Variants in IL1RAPL2 observed in about 807,000 individuals in gnomAD.
IL1RAPL2 encodes interleukin 1 receptor accessory protein like 2, also known as X-linked interleukin-1 receptor accessory protein-like 2.
In IL1RAPL2, 3 loss-of-function variants were observed where a neutral mutation model predicts 44.1. The observed-to-expected ratio is 0.07, with a 90% CI of 0.03 to 0.18. IL1RAPL2 has a LOEUF of 0.18. IL1RAPL2 is among the 10% of genes least tolerant of loss of function. The pLI is 1.00. For synonymous variants in IL1RAPL2, 181 were observed against 178.8 expected, an observed-to-expected ratio of 1.01 and a Z score of -0.10; for missense variants, 391 against 496.4, an observed-to-expected ratio of 0.79 and a Z score of 2.02.
intron 2 of IL1RAPL2, among the ~76,000 whole-genome samples, chrX:104,702,723 ATG>A (rs1258421746): frequency 9.1e-6 from 1 of 110,226 alleles, no homozygotes; most frequent in African/African-American, 3.3e-5. Context: ...GTGGTGGTGT[ATG>A]TGTGTGTGTG....
At chrX:105,591,395 G>A (rs898827164) in intron 6 of IL1RAPL2, among the ~76,000 whole-genome samples, 2 of 109,761 alleles carry the variant, frequency 1.8e-5, no homozygotes, top group African/African-American at 6.6e-5. Context: ...TTTTTGTGTG[G>A]CTATTGACCT....
At chrX:104,758,508 A>G (rs1289831508) in intron 2 of IL1RAPL2, among the ~76,000 whole-genome samples, 1 of 111,421 alleles carries the variant, frequency 9.0e-6, no homozygotes, top group African/African-American at 3.3e-5. Context: ...TCTTTTGGAA[A>G]AGAGAAAACC....
At chrX:105,431,699 A>G (rs1247105062) in intron 5 of IL1RAPL2, among the ~76,000 whole-genome samples, 1 of 111,721 alleles carries the variant, frequency 9.0e-6, no homozygotes, top group East Asian at 2.8e-4. Flanking sequence ...TATGTTCCCC[A>G]TCCTTATAGT....
rs1197146591 is a variant in IL1RAPL2, at chrX:104,585,371, T to A, written c.-20+18320T>A. Among the ~76,000 whole-genome samples, 69 of 22,187 alleles carry A rather than the reference T, an allele frequency of 3.1e-3. 2 individuals carry two copies. In the East Asian group the frequency reaches 0.079, roughly 26 times the overall value. The allele number at this position is 22,187 out of a possible 115,157, so 19.3% of individuals were successfully genotyped here. A position where few individuals can be genotyped will look rare whatever the true frequency, so the allele number is the denominator to read the frequency against. ...TATATATTATATATATTATATATATTATATATAATATATATTATATATAAT... is the reference window on the plus strand; with the variant it reads ...TATATATTATATATATTATATATATAATATATAATATATATTATATATAAT... On this transcript the variant is annotated intron_variant, in intron 1 of 10. Transcript: ENST00000372582.
At chrX:105,712,319 T>C (rs2038217559) in intron 6 of IL1RAPL2, among the ~76,000 whole-genome samples, 1 of 111,821 alleles carries the variant, frequency 8.9e-6, no homozygotes, top group Non-Finnish European at 1.9e-5. Flanking sequence ...TCTTGAGCCA[T>C]GGCTGGGTGG....
intron 5 of IL1RAPL2, among the ~76,000 whole-genome samples, chrX:105,320,739 T>C (rs1257609461): frequency 8.9e-6 from 1 of 111,879 alleles, no homozygotes; most frequent in Non-Finnish European, 1.9e-5. Context: ...TGCATGTGTG[T>C]ATGTGTGAAT....
chrX:105,006,518 T>A (rs1184227425), intron 2 of IL1RAPL2, among the ~76,000 whole-genome samples: 5 of 111,317 alleles, frequency 4.5e-5, no homozygotes, highest in Non-Finnish European at 9.5e-5. Context: ...GCTCCTTGTA[T>A]GTAACTTTCT....
rs752330756 is a variant in IL1RAPL2 at position 104,900,264 on chromosome X, CTT to C, written c.82+241271_82+241272del. Among the ~76,000 whole-genome samples the C allele has an allele frequency of 1.4e-3, 159 of 111,694 alleles. 1 individual carries two copies. The highest frequency in any genetic ancestry group is 4.8e-3 in the African/African-American group (147 of 30,744). On this transcript the variant is annotated intron_variant, in intron 2 of 10. Coordinates refer to ENST00000372582, the MANE Select transcript of IL1RAPL2 (RefSeq NM_017416.2). ...GTATTTTGTACATATCAAAAGAGCT[CTT>C]TGTCATTTAAACATATTGTTTTGTT...
chrX:105,081,334 G>T (rs543865962), intron 2 of IL1RAPL2, among the ~76,000 whole-genome samples: 2 of 111,553 alleles, frequency 1.8e-5, no homozygotes, highest in South Asian at 7.5e-4. Context: ...TGCCCATTCA[G>T]TAAGAAAGTA....
intron 1 of IL1RAPL2, among the ~76,000 whole-genome samples, chrX:104,642,934 T>A (rs768401365): frequency 8.9e-6 from 1 of 112,455 alleles, no homozygotes; most frequent in African/African-American, 3.2e-5. Context: ...TTAGTTTTGT[T>A]ATTAGGAATG....
At chrX:105,237,313 A>G (rs2034129357) in intron 4 of IL1RAPL2, among the ~76,000 whole-genome samples, 1 of 111,748 alleles carries the variant, frequency 8.9e-6, no homozygotes, top group African/African-American at 3.3e-5. Flanking sequence ...TACGGTGTGC[A>G]TGTGTCTTTA....
intron 5 of IL1RAPL2, among the ~76,000 whole-genome samples, chrX:105,397,176 A>G (rs966845242): frequency 2.2e-4 from 24 of 111,123 alleles, no homozygotes; most frequent in African/African-American, 7.5e-4. Flanking sequence ...CACTGATTCT[A>G]CATTATGATG....
intron 6 of IL1RAPL2, among the ~76,000 whole-genome samples, chrX:105,665,734 G>T (rs5962562): frequency 0.023 from 1,439 of 61,355 alleles, 49 homozygotes; most frequent in African/African-American, 0.034. Context: ...TTGTTTTTTT[G>T]TTTTTTTGTT....
intron 5 of IL1RAPL2, among the ~76,000 whole-genome samples, chrX:105,308,148 A>G (rs933068014): frequency 9.0e-6 from 1 of 111,314 alleles, no homozygotes; most frequent in African/African-American, 3.3e-5. Context: ...CCACCACTGA[A>G]AACATTCTAG....
chrX:104,812,486 T>C (rs1199338257), intron 2 of IL1RAPL2, among the ~76,000 whole-genome samples: 1 of 111,148 alleles, frequency 9.0e-6, no homozygotes, highest in Non-Finnish European at 1.9e-5. Context: ...AGGGACTTCC[T>C]GATGGGGTCT....
rs748015998 is a variant in IL1RAPL2, at chrX:104,882,874, C to A, written c.82+223879C>A. ...GCTTCACTCCTGAAGTCAGCAAGAC[C>A]ACAAACCCACTGGGAGGAACAAACA... On this transcript the variant is annotated intron_variant, in intron 2 of 10. Coordinates refer to ENST00000372582, the MANE Select transcript of IL1RAPL2 (RefSeq NM_017416.2). Among the ~76,000 whole-genome samples, 190 of 111,279 alleles carry A rather than the reference C, an allele frequency of 1.7e-3. 2 individuals carry two copies. Among genetic ancestry groups the A allele is most frequent in the South Asian group, 5.5e-3 (14 of 2,559 alleles).
At chrX:105,327,467 A>G in intron 5 of IL1RAPL2, among the ~76,000 whole-genome samples, 1 of 112,056 alleles carries the variant, frequency 8.9e-6, no homozygotes, top group Non-Finnish European at 1.9e-5. Context: ...TCAGACTGTC[A>G]CTGTGTTCAT....
At chrX:104,987,664 G>A (rs181660155) in intron 2 of IL1RAPL2, among the ~76,000 whole-genome samples, 3 of 110,481 alleles carry the variant, frequency 2.7e-5, no homozygotes, top group Admixed American at 1.9e-4. Context: ...CCTGCCTCCC[G>A]ACTGCCCAAG....
chrX:104,842,456 G>A (rs1230429808), intron 2 of IL1RAPL2, among the ~76,000 whole-genome samples: 1 of 111,124 alleles, frequency 9.0e-6, no homozygotes, highest in African/African-American at 3.3e-5. Context: ...CAATCATTTG[G>A]AGGAGAAGCA....
Sources: allele counts gnomAD v4.1 joint callset (sites outside exome capture counted in the v4.1 genomes callset), GRCh38; gene constraint gnomAD v4.1.1; transcripts MANE v1.5; gene names NCBI Gene and HGNC (gene_info 2026-07-23, HGNC 2026-07-21).